NTNG1: variants seen among roughly 807,000 people sequenced by gnomAD.
NTNG1 encodes the protein netrin G1.
NTNG1 carries 16 observed loss-of-function variants against 54.0 expected under a neutral mutation model. The observed-to-expected ratio is 0.30, with a 90% confidence interval of 0.20 to 0.45. The LOEUF (loss-of-function observed/expected upper bound fraction) is 0.45. Among genes scored for constraint, NTNG1 ranks in the 20% least tolerant of loss-of-function variants. The probability of loss-of-function intolerance (pLI) is 1.00; values close to 1 mark genes in which losing one functional copy is unlikely to be tolerated. For synonymous variants in NTNG1, 255 were observed against 263.1 expected (o/e 0.97, Z 0.30); for missense variants, 530 against 678.7 (o/e 0.78, Z 2.43).
At chr1:107,155,598 A>G (rs190313061) in intron 2 of NTNG1, among the ~76,000 whole-genome samples, 227 of 152,050 alleles carry the variant, frequency 1.5e-3, no homozygotes, top group Non-Finnish European at 2.7e-3. Context: ...CTGTATTCTG[A>G]CTCTTTAAGT....
chr1:107,324,494 A>G lies in NTNG1; in HGVS notation c.459A>G (p.Glu153=), dbSNP rs558389014. The G allele has an allele frequency of 6.2e-7, 1 of 1,613,782 alleles. No individual in the cohort carries two copies. Among genetic ancestry groups the G allele is most frequent in the East Asian group, 2.2e-5 (1 of 44,846 alleles). ...CAGACAACATAGTTATTACCTTTGA[A>G]TCTGGGCGTCCAGACCAAATGATCC... is the stretch of plus-strand genomic sequence containing the variant. ...ELTDNIVITF[E]SGRPDQMILE... The change falls in exon 3 of 8, where the codon GAA becomes GAG. Residue 153 remains glutamate, a synonymous_variant. Transcript: ENST00000370068.
intron 3 of NTNG1, among the ~76,000 whole-genome samples, chr1:107,377,458 C>T (rs1452741423): frequency 6.6e-6 from 1 of 152,194 alleles, no homozygotes; most frequent in African/African-American, 2.4e-5. Flanking sequence ...CCAGAGAATG[C>T]AGCCAGACCT....
chr1:107,241,232 G>GA (rs1195016026), intron 2 of NTNG1, among the ~76,000 whole-genome samples: 1 of 152,118 alleles, frequency 6.6e-6, no homozygotes, highest in African/African-American at 2.4e-5. Context: ...TCATGCTGGA[G>GA]AATACTAAAT....
At chr1:107,231,509 T>C (rs537126182) in intron 2 of NTNG1, among the ~76,000 whole-genome samples, 27 of 152,318 alleles carry the variant, frequency 1.8e-4, no homozygotes, top group African/African-American at 6.0e-4. Flanking sequence ...TGTGGTATTT[T>C]GGGGCTAATT....
intron 5 of NTNG1, among the ~76,000 whole-genome samples, chr1:107,416,910 T>C (rs1674249613): frequency 6.6e-6 from 1 of 152,112 alleles, no homozygotes; most frequent in Non-Finnish European, 1.5e-5. Flanking sequence ...ATACTAATAA[T>C]ACAAATACAT....
At chr1:107,252,641 A>C (rs1002436586) in intron 2 of NTNG1, among the ~76,000 whole-genome samples, 2 of 152,174 alleles carry the variant, frequency 1.3e-5, no homozygotes, top group African/African-American at 2.4e-5. Flanking sequence ...TTGCTAAGAC[A>C]CTGATTACTG....
intron 2 of NTNG1, among the ~76,000 whole-genome samples, chr1:107,316,038 G>A (rs1378508578): frequency 2.0e-5 from 3 of 152,136 alleles, no homozygotes; most frequent in Non-Finnish European, 1.5e-5. Context: ...ATAAAGAGGT[G>A]TTTCCCTAAC....
At chr1:107,393,133 G>A (rs1672468099) in intron 3 of NTNG1, among the ~76,000 whole-genome samples, 1 of 152,160 alleles carries the variant, frequency 6.6e-6, no homozygotes, top group Non-Finnish European at 1.5e-5. Flanking sequence ...AAGTATGAAA[G>A]TATTAACAGT....
At chr1:107,239,195 G>A (rs932193873) in intron 2 of NTNG1, among the ~76,000 whole-genome samples, 3 of 152,200 alleles carry the variant, frequency 2.0e-5, no homozygotes, top group African/African-American at 4.8e-5. Flanking sequence ...AAGAAGCTGA[G>A]CAAGCAACAT....
intron 5 of NTNG1, among the ~76,000 whole-genome samples, chr1:107,415,668 A>C (rs1178403797): frequency 2.0e-5 from 3 of 152,160 alleles, no homozygotes; most frequent in African/African-American, 4.8e-5. Flanking sequence ...ATTTGTGAAA[A>C]AAAAATGAAA....
Position 107,317,760 on chromosome 1 carries a change from G to A in NTNG1, c.247-6522G>A, listed in dbSNP as rs369885923. On this transcript the variant is annotated intron_variant, in intron 2 of 7. Coordinates refer to ENST00000370068, the MANE Select transcript of NTNG1 (RefSeq NM_001113226.3). ...TATTCCTGAGTAAAAAAGTCCACAGGGTTTTAGTATTGTCAGGGAGCAGAT... is the reference window on the plus strand; with the variant it reads ...TATTCCTGAGTAAAAAAGTCCACAGAGTTTTAGTATTGTCAGGGAGCAGAT... Among the ~76,000 whole-genome samples the A allele has an allele frequency of 1.1e-4, 17 of 152,194 alleles. No homozygotes were observed. The East Asian group carries it at 2.5e-3, about 22-fold the overall frequency.
chr1:107,206,777 G>A (rs914879745), intron 2 of NTNG1, among the ~76,000 whole-genome samples: 3 of 152,120 alleles, frequency 2.0e-5, no homozygotes, highest in African/African-American at 7.2e-5. Flanking sequence ...TGTGTTGGTG[G>A]AGGGCTTATG....
chr1:107,461,627 G>A (rs190226475), intron 7 of NTNG1, among the ~76,000 whole-genome samples: 10 of 151,010 alleles, frequency 6.6e-5, no homozygotes, highest in African/African-American at 2.2e-4. Context: ...TCTGCCTCCC[G>A]GGTTCAAGCG....
chr1:107,355,340 T>G (rs1336838867), intron 3 of NTNG1, among the ~76,000 whole-genome samples: 3 of 152,170 alleles, frequency 2.0e-5, no homozygotes, highest in Middle Eastern at 6.8e-3. Context: ...AGGCAGTAGT[T>G]TTCTGCTAGC....
intron 2 of NTNG1, among the ~76,000 whole-genome samples, chr1:107,251,727 T>G (rs1258436094): frequency 1.3e-5 from 2 of 152,186 alleles, no homozygotes; most frequent in African/African-American, 4.8e-5. Flanking sequence ...AGCTAGACAG[T>G]AAGGGCCCTT....
chr1:107,370,176 T>C (rs1670830133), intron 3 of NTNG1, among the ~76,000 whole-genome samples: 1 of 151,686 alleles, frequency 6.6e-6, no homozygotes, highest in Admixed American at 6.6e-5. Flanking sequence ...TTGTAAAAAT[T>C]GTTCTGGCTA....
intron 5 of NTNG1, among the ~76,000 whole-genome samples, chr1:107,426,552 G>A (rs1674922033): frequency 6.6e-6 from 1 of 152,062 alleles, no homozygotes; most frequent in Non-Finnish European, 1.5e-5. Flanking sequence ...CCAGTACCAT[G>A]CTGTTTCAGT....
intron 7 of NTNG1, among the ~76,000 whole-genome samples, chr1:107,455,014 G>A (rs1311825375): frequency 6.6e-6 from 1 of 152,078 alleles, no homozygotes; most frequent in Non-Finnish European, 1.5e-5. Context: ...GGGAAGCAGA[G>A]GCAAGAATGA....
At chr1:107,150,783 G>A (rs1201458159) in intron 2 of NTNG1, among the ~76,000 whole-genome samples, 3 of 152,328 alleles carry the variant, frequency 2.0e-5, no homozygotes, top group African/African-American at 4.8e-5. Context: ...CATCATGAGT[G>A]CAAAGGGCAT....
Sources: allele counts gnomAD v4.1 joint callset (sites outside exome capture counted in the v4.1 genomes callset), GRCh38; gene constraint gnomAD v4.1.1; transcripts MANE v1.5; gene names NCBI Gene and HGNC (gene_info 2026-07-23, HGNC 2026-07-21).